The following SPECC1 variants were observed in gnomAD, a reference collection of about 807,000 sequenced individuals.
SPECC1 encodes sperm antigen with calponin homology and coiled-coil domains 1.
Under a neutral mutation model 104.1 loss-of-function variants are expected in SPECC1, and 62 were observed. The ratio of observed to expected loss-of-function variants is 0.60; its 90% CI spans 0.49 to 0.74. The LOEUF (loss-of-function observed/expected upper bound fraction) is 0.74, where lower values mean the gene tolerates loss of function less well. Among genes scored for constraint, SPECC1 ranks in the 30% least tolerant of loss-of-function variants. SPECC1 has a pLI of 0.00. For synonymous variants in SPECC1, 513 were observed against 501.6 expected, an observed-to-expected ratio of 1.02 and a Z score of -0.30; for missense variants, 1,306 against 1,310.5, an observed-to-expected ratio of 1.00 and a Z score of 0.05.
At chr17:20,073,511 G>A (rs2046641569) in intron 1 of SPECC1, 3 of 152,236 alleles carry the variant, frequency 2.0e-5, no homozygotes. Flanking sequence ...GAGAGACGGG[G>A]AGAGGCCATC....
chr17:20,071,246 A>G (rs59347246), intron 1 of SPECC1, among the ~76,000 whole-genome samples: 3 of 152,214 alleles, frequency 2.0e-5, no homozygotes, highest in African/African-American at 4.8e-5. Flanking sequence ...CATCTTTGTC[A>G]TAATCTGAAT....
intron 1 of SPECC1, among the ~76,000 whole-genome samples, chr17:20,076,618 A>G (rs542045224): frequency 1.3e-5 from 2 of 152,302 alleles, no homozygotes; most frequent in Admixed American, 6.5e-5. Flanking sequence ...TTTTGCTATT[A>G]TAAGTAATAG....
chr17:20,197,392 A>G (rs1320566472), intron 3 of SPECC1, among the ~76,000 whole-genome samples: 1 of 152,214 alleles, frequency 6.6e-6, no homozygotes, highest in South Asian at 2.1e-4. Context: ...GGAGAAGAGA[A>G]TAGACAAGGT....
At chr17:20,049,751 C>T (rs766318184) in intron 1 of SPECC1, among the ~76,000 whole-genome samples, 19 of 152,008 alleles carry the variant, frequency 1.2e-4, no homozygotes, top group South Asian at 1.0e-3. Context: ...CCTAAGAGTC[C>T]GAGGATTCTA....
intron 12 of SPECC1, among the ~76,000 whole-genome samples, chr17:20,288,973 T>G (rs1336451202): frequency 6.6e-6 from 1 of 151,842 alleles, no homozygotes; most frequent in Non-Finnish European, 1.5e-5. Flanking sequence ...TTAGTAGAGA[T>G]GGGATTTCAC....
chr17:20,055,675 G>C (rs2045935866), intron 1 of SPECC1, among the ~76,000 whole-genome samples: 1 of 152,180 alleles, frequency 6.6e-6, no homozygotes, highest in African/African-American at 2.4e-5. Context: ...TCACTCTCTA[G>C]CCATTGTTTT....
chr17:20,140,992 C>T (rs1463527457), intron 3 of SPECC1, among the ~76,000 whole-genome samples: 1 of 152,204 alleles, frequency 6.6e-6, no homozygotes, highest in Non-Finnish European at 1.5e-5. Flanking sequence ...CTCTGGTGAA[C>T]AACGACGGGG....
chr17:20,202,587 C>T (rs1167034043), intron 3 of SPECC1, among the ~76,000 whole-genome samples: 1 of 152,124 alleles, frequency 6.6e-6, no homozygotes, highest in African/African-American at 2.4e-5. Flanking sequence ...AATGTATTTC[C>T]TCTTCCTTAT....
At chr17:20,278,224 G>A (rs2040639543) in intron 12 of SPECC1, among the ~76,000 whole-genome samples, 1 of 152,156 alleles carries the variant, frequency 6.6e-6, no homozygotes, top group African/African-American at 2.4e-5. Context: ...GATCCACCAT[G>A]TCCTTAAGGA....
At chr17:20,190,061 G>C (rs192253946) in intron 3 of SPECC1, among the ~76,000 whole-genome samples, 3 of 151,874 alleles carry the variant, frequency 2.0e-5, no homozygotes, top group Non-Finnish European at 2.9e-5. Flanking sequence ...TCTCTAGAAA[G>C]CACACCACTG....
At chr17:20,304,419 G>C (rs1352326333) in intron 13 of SPECC1, among the ~76,000 whole-genome samples, 1 of 152,054 alleles carries the variant, frequency 6.6e-6, no homozygotes, top group Non-Finnish European at 1.5e-5. Flanking sequence ...TTTGGAATGG[G>C]AGAAGCATGA....
intron 3 of SPECC1, among the ~76,000 whole-genome samples, chr17:20,194,602 G>A (rs1213956494): frequency 1.4e-5 from 2 of 144,772 alleles, no homozygotes; most frequent in Admixed American, 1.4e-4. Flanking sequence ...TGCCTCCCAG[G>A]TTCAAGCGAT....
chr17:20,213,074 G>C (rs759029478), intron 4 of SPECC1, among the ~76,000 whole-genome samples: 3 of 152,022 alleles, frequency 2.0e-5, no homozygotes, highest in Non-Finnish European at 2.9e-5. Context: ...AGTTGGGTCT[G>C]ACCTTAGAGC....
chr17:20,306,432 A>T (rs1038580368), intron 14 of SPECC1, among the ~76,000 whole-genome samples: 1 of 152,226 alleles, frequency 6.6e-6, no homozygotes, highest in African/African-American at 2.4e-5. Flanking sequence ...AAATACCCAG[A>T]TGCCAGAAAT....
chr17:20,280,207 A>G (rs1346772902), intron 12 of SPECC1, among the ~76,000 whole-genome samples: 1 of 152,230 alleles, frequency 6.6e-6, no homozygotes, highest in African/African-American at 2.4e-5. Context: ...CAGAGAACAA[A>G]GTAGCGAATG....
intron 2 of SPECC1, among the ~76,000 whole-genome samples, chr17:20,098,906 G>A (rs2047785132): frequency 6.6e-6 from 1 of 152,214 alleles, no homozygotes; most frequent in Admixed American, 6.5e-5. Context: ...GCTTAGAAGA[G>A]CACCTGCTAC....
At chr17:20,100,041 C>T (rs2047868126) in intron 2 of SPECC1, among the ~76,000 whole-genome samples, 1 of 152,186 alleles carries the variant, frequency 6.6e-6, no homozygotes, top group South Asian at 2.1e-4. Context: ...GTAACTGCCG[C>T]ATACATAGTT....
intron 1 of SPECC1, among the ~76,000 whole-genome samples, chr17:20,044,838 T>A (rs1362724172): frequency 6.6e-6 from 1 of 152,248 alleles, no homozygotes; most frequent in Non-Finnish European, 1.5e-5. Context: ...AACCGCATTT[T>A]GAGTGAAGGG....
chr17:20,049,302 A>C (rs2045654598), intron 1 of SPECC1, among the ~76,000 whole-genome samples: 1 of 152,130 alleles, frequency 6.6e-6, no homozygotes, highest in African/African-American at 2.4e-5. Flanking sequence ...ATTTCCTGTT[A>C]ATACAGGTGG....
Sources: allele counts gnomAD v4.1 joint callset (sites outside exome capture counted in the v4.1 genomes callset), GRCh38; gene constraint gnomAD v4.1.1; transcripts MANE v1.5; gene names NCBI Gene and HGNC (gene_info 2026-07-23, HGNC 2026-07-21).